The following PCDHGA10 variants were observed in gnomAD, a reference collection of about 807,000 sequenced individuals.
PCDHGA10 encodes protocadherin gamma subfamily A, 10.
Under a neutral mutation model 59.5 loss-of-function variants are expected in PCDHGA10, and 42 were observed. The ratio of observed to expected loss-of-function variants is 0.71; its 90% confidence interval spans 0.55 to 0.91. The LOEUF (loss-of-function observed/expected upper bound fraction) is 0.91. PCDHGA10 is among the 40% of genes least tolerant of loss of function. PCDHGA10 has a pLI of 0.00. For missense variants in PCDHGA10, 1,111 were observed against 1,198.2 expected, an observed-to-expected ratio of 0.93 and a Z score of 1.07; for synonymous variants, 511 against 517.2, an observed-to-expected ratio of 0.99 and a Z score of 0.16.
Position 141,485,548 on chromosome 5 carries a change from T to C in PCDHGA10, c.2437-9259T>C, listed in dbSNP as rs749739126. ...ACCGAGCAGAGGTAGAGATCGTAGA[T>C]GTGAATGATCACGCCCCCCGTTTTC... On this transcript the variant is annotated intron_variant, in intron 1 of 3. Transcript: ENST00000398610. This position sits in a 1 kb window ranked among gnomAD's most constrained non-coding sequence, Gnocchi z 5.7. The C allele has an allele frequency of 3.1e-6, 5 of 1,614,040 alleles. No homozygotes were observed. The highest frequency in any genetic ancestry group is 3.4e-6 in the Non-Finnish European group (4 of 1,179,942).
intron 1 of PCDHGA10, among the ~76,000 whole-genome samples, chr5:141,458,871 T>C (rs2098955493): frequency 6.6e-6 from 1 of 152,210 alleles, no homozygotes; most frequent in African/African-American, 2.4e-5. Flanking sequence ...TAGCTGGGAC[T>C]ACAGGCATGC....
Position 141,413,248 on chromosome 5 carries a change from GGGATTCCATGGGA to G in PCDHGA10, c.76_88del (p.Ile26LeufsTer14), listed in dbSNP as rs1349440144. The G allele has an allele frequency of 2.5e-6, 4 of 1,613,844 alleles. No homozygotes were observed. The highest frequency in any genetic ancestry group is 2.5e-6 in the Non-Finnish European group (3 of 1,179,916). On this transcript the variant is annotated frameshift_variant, in exon 1 of 4. Transcript: ENST00000398610. LOFTEE classifies it high-confidence loss of function. ...GCTGGTCCTGCTCTGCCTTTTCTTC[GGGATTCCATGGGA>G]GGCTGGAGCCCGGCAGATCTCCTAC...
chr5:141,486,337 C>T lies in PCDHGA10; in HGVS notation c.2437-8470C>T, dbSNP rs116799150. On this transcript the variant is annotated intron_variant, in intron 1 of 3. Coordinates refer to ENST00000398610, the MANE Select transcript of PCDHGA10 (RefSeq NM_018913.3). The surrounding 1 kb of genome is among the most constrained non-coding windows in gnomAD (Gnocchi z 5.0). ...GGTCAAACGGAGATGTGAGCCTCCG[C>T]ATTCCTGACCACTTGCCATTTGCCC... 1 of 1,614,076 alleles carries T rather than the reference C, an allele frequency of 6.2e-7. No homozygotes were observed. Among genetic ancestry groups the T allele is most frequent in the Non-Finnish European group, 8.5e-7 (1 of 1,179,966 alleles).
intron 1 of PCDHGA10, among the ~76,000 whole-genome samples, chr5:141,452,072 G>A (rs550370876): frequency 1.3e-5 from 2 of 152,272 alleles, no homozygotes; most frequent in East Asian, 1.9e-4. Flanking sequence ...ACTTTTATTA[G>A]TTGGCATTAT....
At chr5:141,447,837 G>A (rs952923627) in intron 1 of PCDHGA10, among the ~76,000 whole-genome samples, 10 of 152,170 alleles carry the variant, frequency 6.6e-5, no homozygotes, top group African/African-American at 2.4e-4. Flanking sequence ...TGTAATCCCA[G>A]TGCTTTGGGA....
intron 2 of PCDHGA10, 103 bp from the exon 3 acceptor site, chr5:141,505,290 G>A: frequency 3.2e-6 from 5 of 1,564,680 alleles, no homozygotes; most frequent in Non-Finnish European, 4.3e-6. Context: ...TTGGGCATGG[G>A]GTAGGGTTAG....
chr5:141,494,434 T>A (rs976526647), intron 1 of PCDHGA10, among the ~76,000 whole-genome samples: 2 of 152,166 alleles, frequency 1.3e-5, no homozygotes, highest in Middle Eastern at 3.2e-3. Flanking sequence ...AAAAGCCTCC[T>A]TTGCCACTTT....
At position 141,477,272 on chromosome 5, in the gene PCDHGA10, C is replaced by G. The variant is rs2099408579; in HGVS notation, c.2437-17535C>G. The G allele has an allele frequency of 1.2e-6, 2 of 1,614,090 alleles. No homozygotes were observed. The highest frequency in any genetic ancestry group is 1.7e-6 in the Non-Finnish European group (2 of 1,180,048). Reference sequence around the variant, plus strand: ...TGACCTGGATGCTGGCGAGAACGGGCTGGTGACCTGCGAAGTTCCACCGGG... The same window carrying G: ...TGACCTGGATGCTGGCGAGAACGGGGTGGTGACCTGCGAAGTTCCACCGGG... On this transcript the variant is annotated intron_variant, in intron 1 of 3. Coordinates refer to ENST00000398610, the MANE Select transcript of PCDHGA10 (RefSeq NM_018913.3). This position sits in a 1 kb window ranked among gnomAD's most constrained non-coding sequence, Gnocchi z 4.9.
In PCDHGA10 at chr5:141,476,585, G is replaced by C; in HGVS notation, c.2437-18222G>C. 6.2e-7 allele frequency: 1 copy of C among 1,614,214 alleles called. No homozygotes were observed. The highest frequency in any genetic ancestry group is 8.5e-7 in the Non-Finnish European group (1 of 1,180,040). On this transcript the variant is annotated intron_variant, in intron 1 of 3. Coordinates refer to ENST00000398610, the MANE Select transcript of PCDHGA10 (RefSeq NM_018913.3). The surrounding 1 kb of genome is among the most constrained non-coding windows in gnomAD (Gnocchi z 7.6). ...GGCTCCGGGGACGCGCTTTCCGCTC[G>C]AGAGCGCGCACGATCCCGATGTGGG...
intron 2 of PCDHGA10, among the ~76,000 whole-genome samples, chr5:141,504,288 G>GT (rs1175142876): frequency 6.6e-6 from 1 of 152,124 alleles, no homozygotes; most frequent in African/African-American, 2.4e-5. Context: ...ATCATTTCAT[G>GT]TTTTTTCAAC....
At chr5:141,497,464 T>C (rs1277760390) in intron 2 of PCDHGA10, among the ~76,000 whole-genome samples, 1 of 151,764 alleles carries the variant, frequency 6.6e-6, no homozygotes, top group Admixed American at 6.6e-5. Context: ...CTTGGAGATA[T>C]GGAGGAGAAG....
At chr5:141,479,937 C>G (rs1322238189) in intron 1 of PCDHGA10, among the ~76,000 whole-genome samples, 1 of 152,212 alleles carries the variant, frequency 6.6e-6, no homozygotes, top group African/African-American at 2.4e-5. Context: ...TCATTGCTAT[C>G]AACTCTTGGA....
At chr5:141,500,619 G>A (rs1230172485) in intron 2 of PCDHGA10, among the ~76,000 whole-genome samples, 1 of 152,072 alleles carries the variant, frequency 6.6e-6, no homozygotes, top group East Asian at 1.9e-4. Context: ...CCAGTCATAC[G>A]GTACATTTCC....
chr5:141,506,177 G>T (rs1024892091), intron 3 of PCDHGA10, among the ~76,000 whole-genome samples: 4 of 152,142 alleles, frequency 2.6e-5, no homozygotes, highest in African/African-American at 9.7e-5. Context: ...TAAGCTGGGC[G>T]TGGTGGCTCA....
chr5:141,497,413 T>C (rs572922456), intron 2 of PCDHGA10, among the ~76,000 whole-genome samples: 8 of 152,046 alleles, frequency 5.3e-5, no homozygotes, highest in Admixed American at 5.2e-4. Context: ...TCCCATTCCA[T>C]CAAATGAGAG....
intron 1 of PCDHGA10, among the ~76,000 whole-genome samples, chr5:141,446,128 G>A (rs1242643475): frequency 3.3e-5 from 5 of 152,188 alleles, no homozygotes; most frequent in Non-Finnish European, 7.3e-5. Flanking sequence ...GGTTCAATAA[G>A]ACTTAATAAT....
chr5:141,511,730 T>C lies in PCDHGA10; in HGVS notation c.*557T>C, dbSNP rs772107999. 5.1e-5 allele frequency: 9 copies of C among 177,790 alleles called. No homozygotes were observed. The highest frequency in any genetic ancestry group is 5.3e-5 in the Admixed American group (1 of 18,706). The allele number at this position is 177,790 out of a possible 1,614,324, so 11.0% of individuals were successfully genotyped here. On this transcript the variant is annotated 3_prime_UTR_variant, in exon 4 of 4. Transcript: ENST00000398610. ...ACCTCCTTCCAGAGCCCAAGATCAA[T>C]GCTCAAGTTTTGGAGGACATGATCA...
chr5:141,490,344 AGTGGGGTTGTTTAAT>A lies in PCDHGA10; in HGVS notation c.2437-4459_2437-4445del. The A allele has an allele frequency of 6.2e-7, 1 of 1,614,178 alleles. No individual in the cohort carries two copies. The highest frequency in any genetic ancestry group is 8.5e-7 in the Non-Finnish European group (1 of 1,180,030). ...TAGAGAGCACACCAGTGGGCACAGT[AGTGGGGTTGTTTAAT>A]GTGCGAGACCGGGACTCAGGTAGAA... On this transcript the variant is annotated intron_variant, in intron 1 of 3. Coordinates refer to ENST00000398610, the MANE Select transcript of PCDHGA10 (RefSeq NM_018913.3). This position sits in a 1 kb window ranked among gnomAD's most constrained non-coding sequence, Gnocchi z 5.4.
intron 1 of PCDHGA10, among the ~76,000 whole-genome samples, chr5:141,446,453 A>T (rs2098502702): frequency 6.6e-6 from 1 of 151,946 alleles, no homozygotes; most frequent in Non-Finnish European, 1.5e-5. Context: ...GCAGATATTC[A>T]GTGTGTGATT....
Sources: gnomAD v4.1 joint callset for allele counts (sites outside exome capture counted in the v4.1 genomes callset) on GRCh38, gnomAD v4.1.1 for gene constraint, Gnocchi (gnomAD v3.1) non-coding constraint, MANE v1.5 for transcripts, NCBI Gene and HGNC (gene_info 2026-07-23, HGNC 2026-07-21) for gene names.